TENM3: variants seen among roughly 807,000 people sequenced by gnomAD.
TENM3 encodes teneurin transmembrane protein 3.
A neutral mutation model predicts 255.1 loss-of-function variants in TENM3; 63 were observed. The ratio of observed to expected loss-of-function variants is 0.25; its 90% CI spans 0.20 to 0.30. The LOEUF (loss-of-function observed/expected upper bound fraction) is 0.30. TENM3 is among the 10% of genes least tolerant of loss of function. The pLI, the probability that TENM3 is intolerant of heterozygous loss-of-function variation, is 1.00. For missense variants in TENM3, 2,929 were observed against 3,461.1 expected (o/e 0.85, Z 3.86); for synonymous variants, 1,306 against 1,322.3 (o/e 0.99, Z 0.27).
At chr4:181,931,609 C>T in the TENM3 span, among the ~76,000 whole-genome samples, 1 of 152,086 alleles carries the variant, frequency 6.6e-6, no homozygotes, top group African/African-American at 2.4e-5. Flanking sequence ...TTTATAGATT[C>T]AATGCTATTC....
intron 9 of TENM3, 77 bp downstream of exon 9, chr4:182,680,426 A>G (rs1416799622): frequency 2.3e-6 from 2 of 861,584 alleles, no homozygotes; most frequent in African/African-American, 1.9e-5. Flanking sequence ...AACTACCGAG[A>G]CAGGAAAGAA....
At chr4:181,543,654 C>G in the TENM3 span, among the ~76,000 whole-genome samples, 1 of 152,170 alleles carries the variant, frequency 6.6e-6, no homozygotes, top group South Asian at 2.1e-4. Flanking sequence ...CTTATAAATC[C>G]AACACTTAGG....
chr4:182,715,210 C>T (rs548295203), intron 13 of TENM3, among the ~76,000 whole-genome samples: 5 of 152,130 alleles, frequency 3.3e-5, no homozygotes, highest in Admixed American at 1.3e-4. Flanking sequence ...ATAGCTTTAG[C>T]GCTGCATTTT....
chr4:181,449,888 C>T, the TENM3 span, among the ~76,000 whole-genome samples: 1 of 152,166 alleles, frequency 6.6e-6, no homozygotes, highest in Non-Finnish European at 1.5e-5. Context: ...CATATTCTTT[C>T]ATTGACAGCA....
At chr4:182,615,681 T>C (rs1046517452) in intron 4 of TENM3, among the ~76,000 whole-genome samples, 2 of 146,602 alleles carry the variant, frequency 1.4e-5, no homozygotes, top group Admixed American at 1.4e-4. Flanking sequence ...ACTTAACTAA[T>C]AGGTGAAGTT....
rs558299792 is a variant in TENM3, at chr4:182,769,698, C to T, written c.4893-3774C>T. ...ACTCAGGAGGCTGCGGCAGGAGAAT[C>T]GCTTGAACTTGGGAGGCGGAGGTTG... On this transcript the variant is annotated intron_variant, in intron 22 of 27. Coordinates refer to ENST00000511685, the MANE Select transcript of TENM3 (RefSeq NM_001080477.4). Among the ~76,000 whole-genome samples the T allele has an allele frequency of 2.4e-3, 367 of 151,838 alleles. 15 individuals are homozygous for T. The highest frequency in any genetic ancestry group is 0.02 in the Admixed American group (300 of 15,270).
chr4:182,134,523 T>C, the TENM3 span, among the ~76,000 whole-genome samples: 1 of 152,212 alleles, frequency 6.6e-6, no homozygotes, highest in Non-Finnish European at 1.5e-5. Flanking sequence ...CTCCTAGATA[T>C]CTTATCCAAG....
chr4:182,772,781 AT>A (rs2152796304), intron 22 of TENM3, among the ~76,000 whole-genome samples: 1 of 152,302 alleles, frequency 6.6e-6, no homozygotes, highest in East Asian at 1.9e-4. Context: ...ACAAATAATC[AT>A]TAAATGTCAG....
intron 3 of TENM3, among the ~76,000 whole-genome samples, chr4:182,558,136 C>T (rs971755465): frequency 1.6e-4 from 25 of 152,112 alleles, no homozygotes; most frequent in East Asian, 5.8e-4. Context: ...GGTTTGCCCT[C>T]GATGGAGTGC....
intron 3 of TENM3, among the ~76,000 whole-genome samples, chr4:182,500,116 CAGA>C (rs1176733230): frequency 1.3e-5 from 2 of 152,090 alleles, no homozygotes; most frequent in East Asian, 3.9e-4. Flanking sequence ...CATGGGATCC[CAGA>C]AGCAAATACT....
At chr4:182,219,335 A>G (rs1187395706) in intron 1 of TENM3, among the ~76,000 whole-genome samples, 4 of 152,190 alleles carry the variant, frequency 2.6e-5, no homozygotes, top group African/African-American at 9.6e-5. Flanking sequence ...GTTGTCATCA[A>G]ATACATTTGC....
the TENM3 span, among the ~76,000 whole-genome samples, chr4:181,823,886 A>T: frequency 1.3e-5 from 2 of 152,226 alleles, no homozygotes; most frequent in Admixed American, 6.5e-5. Flanking sequence ...TTGGCTCACT[A>T]AATGGCAGCT....
intron 3 of TENM3, among the ~76,000 whole-genome samples, chr4:182,361,549 G>C (rs376587239): frequency 1.3e-5 from 2 of 151,848 alleles, no homozygotes; most frequent in African/African-American, 4.8e-5. Flanking sequence ...CGTAGTTCTC[G>C]AGCCTTGGCT....
chr4:182,652,651 A>T (rs1753414568), intron 5 of TENM3, among the ~76,000 whole-genome samples: 1 of 152,236 alleles, frequency 6.6e-6, no homozygotes, highest in Admixed American at 6.5e-5. Flanking sequence ...GTACTGTAGC[A>T]GGTCAGTGCC....
At chr4:181,685,044 A>G in the TENM3 span, among the ~76,000 whole-genome samples, 2 of 149,946 alleles carry the variant, frequency 1.3e-5, no homozygotes, top group African/African-American at 4.9e-5. Flanking sequence ...AATTACAGCC[A>G]TGAGCCACTG....
the TENM3 span, among the ~76,000 whole-genome samples, chr4:181,489,835 C>T: frequency 6.6e-6 from 1 of 152,078 alleles, no homozygotes; most frequent in Non-Finnish European, 1.5e-5. Context: ...AATTATGGTT[C>T]ATTTATAAAT....
At chr4:182,608,623 C>A (rs1171861012) in intron 4 of TENM3, among the ~76,000 whole-genome samples, 1 of 152,110 alleles carries the variant, frequency 6.6e-6, no homozygotes, top group Non-Finnish European at 1.5e-5. Flanking sequence ...CTGCAGCCGC[C>A]CGGTCTGCAG....
intron 3 of TENM3, among the ~76,000 whole-genome samples, chr4:182,592,115 CCTTT>C (rs1746709679): frequency 7.1e-6 from 1 of 141,740 alleles, no homozygotes; most frequent in African/African-American, 2.5e-5. Flanking sequence ...TATAATACCA[CCTTT>C]CTTTTCTTCT....
rs17073717 is a variant in TENM3 at position 182,654,827 on chromosome 4, A to G, written c.1111+934A>G. 8.2e-3 allele frequency among the ~76,000 whole-genome samples: 1,241 copies of G among 152,190 alleles called. 11 individuals carry two copies. The highest frequency in any genetic ancestry group is 0.029 in the African/African-American group (1,198 of 41,510). On this transcript the variant is annotated intron_variant, in intron 6 of 27. Transcript: ENST00000511685. The stretch of plus-strand genomic sequence containing the variant: ...GTTGCTGTGTCACATGTACCCATTT[A>G]CTGGGATGAATACTTTGTACACTTT...
Sources: allele counts gnomAD v4.1 joint callset (sites outside exome capture counted in the v4.1 genomes callset), GRCh38; gene constraint gnomAD v4.1.1; transcripts MANE v1.5; gene names NCBI Gene and HGNC (gene_info 2026-07-23, HGNC 2026-07-21).